SF3B1: variants seen among roughly 807,000 people sequenced by gnomAD.
The protein encoded by SF3B1 is pre-mRNA processing 10.
In SF3B1, 12 loss-of-function variants were observed where a neutral mutation model predicts 153.8. That is an observed-to-expected ratio of 0.08 (90% confidence interval 0.05 to 0.13). SF3B1 has a LOEUF of 0.13. Among genes scored for constraint, SF3B1 ranks in the 10% least tolerant of loss-of-function variants. The probability of loss-of-function intolerance (pLI) is 1.00; values close to 1 mark genes in which losing one functional copy is unlikely to be tolerated. For synonymous variants in SF3B1, 498 were observed against 525.2 expected, an observed-to-expected ratio of 0.95 and a Z score of 0.71; for missense variants, 513 against 1,606.1, an observed-to-expected ratio of 0.32 and a Z score of 11.63.
chr2:197,402,707 A>T lies in SF3B1; in HGVS notation c.1926T>A (p.Pro642=), dbSNP rs770939412. 1.2e-5 allele frequency: 20 copies of T among 1,614,176 alleles called. No homozygotes were observed. The East Asian group carries it at 1.8e-4, about 14-fold the overall frequency. ...FAVVASALGI[P]SLLPFLKAVC... ...CAGCTTTTAAGAAGGGCAATAAAGA[A>T]GGAATGCCCAGGGCAGAGGCTACAA... The change falls in exon 14 of 25, where the codon CCT becomes CCA. Residue 642 remains proline, a synonymous_variant. Coordinates refer to ENST00000335508, the MANE Select transcript of SF3B1 (RefSeq NM_012433.4). The surrounding 1 kb of genome is among the most constrained non-coding windows in gnomAD (Gnocchi z 4.6).
At chr2:197,397,696 C>G (rs1195552894) in intron 22 of SF3B1, among the ~76,000 whole-genome samples, 1 of 151,924 alleles carries the variant, frequency 6.6e-6, no homozygotes, top group Non-Finnish European at 1.5e-5. Flanking sequence ...ACTGGGGAGG[C>G]TGAGGCAGGA....
In SF3B1 at chr2:197,402,553, T is replaced by C. The variant is rs1484318977; in HGVS notation, c.2077+3A>G. ...AAAAAGACAAAGTTACATTACAACT[T>C]ACCATGTTCAATGATTTCAACTAAA... On this transcript the variant is annotated splice_donor_region_variant and intron_variant, in intron 14 of 24. Transcript: ENST00000335508. The surrounding 1 kb of genome is among the most constrained non-coding windows in gnomAD (Gnocchi z 4.6). The C allele has an allele frequency of 6.2e-7, 1 of 1,611,300 alleles. No homozygotes were observed. Among genetic ancestry groups the C allele is most frequent in the Non-Finnish European group, 8.5e-7 (1 of 1,177,982 alleles).
At chr2:197,395,470 C>G (rs1326362296) in intron 23 of SF3B1, among the ~76,000 whole-genome samples, 1 of 152,226 alleles carries the variant, frequency 6.6e-6, no homozygotes, top group Admixed American at 6.5e-5. Context: ...TCCCTTACTA[C>G]GCTTGCACTT....
At chr2:197,409,675 T>G in intron 7 of SF3B1, 95 bp downstream of exon 7, 1 of 960,180 alleles carries the variant, frequency 1.0e-6, no homozygotes, top group Non-Finnish European at 1.7e-6. Context: ...GCTGGTTATT[T>G]ATACGTGTCC....
At chr2:197,421,352 A>C (rs2085239070) in intron 2 of SF3B1, among the ~76,000 whole-genome samples, 1 of 152,254 alleles carries the variant, frequency 6.6e-6, no homozygotes, top group African/African-American at 2.4e-5. Context: ...ATGATTAAGC[A>C]AGGAATATTT....
chr2:197,396,021 T>C (rs1574524066), intron 23 of SF3B1, 35 bp downstream of exon 23: 1 of 1,524,226 alleles, frequency 6.6e-7, no homozygotes, highest in East Asian at 2.3e-5. Context: ...GGAAGAGTTA[T>C]AATTATTTTC....
At chr2:197,414,922 T>C (rs1485213496) in intron 6 of SF3B1, among the ~76,000 whole-genome samples, 3 of 152,044 alleles carry the variant, frequency 2.0e-5, no homozygotes, top group African/African-American at 7.2e-5. Flanking sequence ...GAAGATCATT[T>C]GAGCCCAGGA....
At chr2:197,394,581 C>T (rs892077344) in intron 23 of SF3B1, among the ~76,000 whole-genome samples, 15 of 152,148 alleles carry the variant, frequency 9.9e-5, no homozygotes, top group Non-Finnish European at 1.5e-4. Flanking sequence ...AGCTCGCTGG[C>T]TAACACAATG....
chr2:197,394,021 T>C (rs956048997), intron 23 of SF3B1, among the ~76,000 whole-genome samples: 2 of 151,882 alleles, frequency 1.3e-5, no homozygotes, highest in Admixed American at 6.6e-5. Context: ...CCGTCTCTAC[T>C]AAACATACAA....
At chr2:197,414,611 A>C (rs560395612) in intron 6 of SF3B1, among the ~76,000 whole-genome samples, 4 of 152,248 alleles carry the variant, frequency 2.6e-5, no homozygotes, top group Admixed American at 2.6e-4. Context: ...TTAGGGGCCA[A>C]GTGACCTTGA....
At chr2:197,431,243 G>A (rs527471050) in intron 1 of SF3B1, among the ~76,000 whole-genome samples, 7 of 150,118 alleles carry the variant, frequency 4.7e-5, no homozygotes, top group Admixed American at 2.0e-4. Flanking sequence ...ACAGCCTCCC[G>A]AGGAGCTGGG....
chr2:197,429,699 G>A (rs749325131), intron 1 of SF3B1, among the ~76,000 whole-genome samples: 1 of 151,702 alleles, frequency 6.6e-6, no homozygotes, highest in East Asian at 1.9e-4. Context: ...CAGAAGTATC[G>A]CTTGAACCCG....
Position 197,421,188 on chromosome 2 carries a change from AG to A in SF3B1, c.196-56del, listed in dbSNP as rs2085236533. ...AACAAAATGTTAGAACTTAAAAATT[AG>A]AAAGAATATGCAAAGATTCAAAATG... On this transcript the variant is annotated intron_variant, in intron 2 of 24. Coordinates refer to ENST00000335508, the MANE Select transcript of SF3B1 (RefSeq NM_012433.4). The A allele has an allele frequency of 9.1e-6, 10 of 1,101,216 alleles. No individual in the cohort carries two copies. The Admixed American group carries it at 1.1e-4, about 12-fold the overall frequency. 68.2% of individuals were successfully genotyped at this position (1,101,216 alleles called of 1,614,324 possible).
chr2:197,417,540 C>A (rs2085166982), intron 5 of SF3B1, among the ~76,000 whole-genome samples: 1 of 145,352 alleles, frequency 6.9e-6, no homozygotes, highest in Non-Finnish European at 1.5e-5. Flanking sequence ...GAGTTCGAGA[C>A]CAGCCTGGCC....
intron 20 of SF3B1, among the ~76,000 whole-genome samples, chr2:197,399,583 A>T (rs1292919943): frequency 6.6e-6 from 1 of 152,226 alleles, no homozygotes; most frequent in Non-Finnish European, 1.5e-5. Context: ...AAAGACAATA[A>T]TTTGATCAGT....
rs935639624 is a variant in SF3B1, at chr2:197,389,962, A to G, written c.*2341T>C. 2.6e-5 allele frequency: 4 copies of G among 152,274 alleles called. No homozygotes were observed. The highest frequency in any genetic ancestry group is 9.6e-5 in the African/African-American group (4 of 41,466). 9.4% of individuals were successfully genotyped at this position (152,274 alleles called of 1,614,324 possible). A position where few individuals can be genotyped will look rare whatever the true frequency, so the allele number is the denominator to read the frequency against. On this transcript the variant is annotated 3_prime_UTR_variant, in exon 25 of 25. Coordinates refer to ENST00000335508, the MANE Select transcript of SF3B1 (RefSeq NM_012433.4). ...CAGAAAAACCCACCCTGTCTCCTTA[A>G]GAACATTTCTTTGTTTGGCTTTAAG...
chr2:197,411,954 A>C (rs546309949), intron 6 of SF3B1, among the ~76,000 whole-genome samples: 1 of 151,862 alleles, frequency 6.6e-6, no homozygotes, highest in Non-Finnish European at 1.5e-5. Flanking sequence ...AATAAAAATA[A>C]ATAAAAATAG....
chr2:197,421,271 A>G, intron 2 of SF3B1, 138 bp from the exon 3 acceptor site: 1 of 556,330 alleles, frequency 1.8e-6, no homozygotes, highest in Non-Finnish European at 3.2e-6. Flanking sequence ...AAAACTTAGA[A>G]ACACAATTGG....
At chr2:197,422,494 A>G (rs1283122256) in intron 2 of SF3B1, among the ~76,000 whole-genome samples, 2 of 152,160 alleles carry the variant, frequency 1.3e-5, no homozygotes, top group African/African-American at 4.8e-5. Flanking sequence ...AGTATGGCAC[A>G]TGTATACATA....
Sources: gnomAD v4.1 joint callset for allele counts (sites outside exome capture counted in the v4.1 genomes callset) on GRCh38, gnomAD v4.1.1 for gene constraint, Gnocchi (gnomAD v3.1) non-coding constraint, MANE v1.5 for transcripts, NCBI Gene and HGNC (gene_info 2026-07-23, HGNC 2026-07-21) for gene names.